The following NAV2 variants were observed in gnomAD, a reference collection of about 807,000 sequenced individuals.
NAV2 encodes helicase, APC down-regulated 1.
A neutral mutation model predicts 223.2 loss-of-function variants in NAV2; 54 were observed. The observed-to-expected ratio is 0.24, with a 90% CI of 0.19 to 0.30. The LOEUF (loss-of-function observed/expected upper bound fraction) is 0.30, where lower values mean the gene tolerates loss of function less well. Ranked by LOEUF, NAV2 falls within the 10% of genes least tolerant of loss-of-function variation. NAV2 has a pLI of 1.00. For synonymous variants in NAV2, 1,279 were observed against 1,239.3 expected (o/e 1.03, Z -0.67); for missense variants, 2,806 against 3,147.5 (o/e 0.89, Z 2.60).
intron 1 of NAV2, among the ~76,000 whole-genome samples, chr11:19,668,155 AT>A (rs2048470058): frequency 6.6e-6 from 1 of 152,218 alleles, no homozygotes. Flanking sequence ...AGGGAGGGAA[AT>A]GTTACAAAAG....
At chr11:19,709,673 A>G (rs569761199), upstream of NAV2, among the ~76,000 whole-genome samples, 1 of 152,156 alleles carries the variant, frequency 6.6e-6, no homozygotes, top group Admixed American at 6.5e-5. Context: ...CGTCTCTACT[A>G]AAAATACAAA....
intron 5 of NAV2, among the ~76,000 whole-genome samples, chr11:19,883,018 C>T (rs114179032): frequency 0.013 from 1,917 of 152,306 alleles, 36 homozygotes; most frequent in African/African-American, 0.043. Flanking sequence ...ATCAGTGGCT[C>T]GGTCTCCAAA....
At chr11:19,426,498 G>T (rs1254759936) in intron 1 of NAV2, among the ~76,000 whole-genome samples, 1 of 152,136 alleles carries the variant, frequency 6.6e-6, no homozygotes, top group Non-Finnish European at 1.5e-5. Context: ...AATTTACAAA[G>T]ATATTCCCTT....
At chr11:19,574,222 A>C (rs1220603081) in intron 1 of NAV2, among the ~76,000 whole-genome samples, 1 of 152,186 alleles carries the variant, frequency 6.6e-6, no homozygotes, top group Non-Finnish European at 1.5e-5. Flanking sequence ...CTTACCTCCC[A>C]AACTTGTTGG....
chr11:19,564,094 C>A (rs2045186129), intron 1 of NAV2, among the ~76,000 whole-genome samples: 1 of 152,096 alleles, frequency 6.6e-6, no homozygotes, highest in South Asian at 2.1e-4. Flanking sequence ...CCACCTGAAC[C>A]CCCGACCCCT....
intron 1 of NAV2, among the ~76,000 whole-genome samples, chr11:19,756,085 G>A (rs990769257): frequency 6.6e-6 from 1 of 152,124 alleles, no homozygotes; most frequent in African/African-American, 2.4e-5. Flanking sequence ...CTAGAGCTCA[G>A]AGCCTCAATC....
chr11:20,006,874 C>T (rs1591634105), intron 11 of NAV2, among the ~76,000 whole-genome samples: 1 of 152,052 alleles, frequency 6.6e-6, no homozygotes, highest in African/African-American at 2.4e-5. Context: ...AACAGAGGAC[C>T]AAGGTACAAA....
intron 1 of NAV2, among the ~76,000 whole-genome samples, chr11:19,465,257 C>T (rs1024729646): frequency 1.2e-4 from 18 of 152,134 alleles, no homozygotes; most frequent in South Asian, 6.2e-4. Context: ...GCTCCTGATC[C>T]GCCAAAGAAA....
intron 11 of NAV2, among the ~76,000 whole-genome samples, chr11:19,996,323 A>G (rs776821000): frequency 6.6e-6 from 1 of 152,198 alleles, no homozygotes; most frequent in Non-Finnish European, 1.5e-5. Flanking sequence ...CCTAGCACCA[A>G]CTGAGGTGCT....
At chr11:20,103,121 A>C in intron 32 of NAV2, 134 bp from the exon 33 acceptor site, 1 of 781,560 alleles carries the variant, frequency 1.3e-6, no homozygotes, top group South Asian at 2.0e-5. Context: ...GGCACCCAGA[A>C]TGTGTTTACA....
At chr11:19,555,927 G>T (rs2044872553) in intron 1 of NAV2, among the ~76,000 whole-genome samples, 1 of 147,828 alleles carries the variant, frequency 6.8e-6, no homozygotes, top group African/African-American at 2.5e-5. Context: ...CTTATCACCT[G>T]GCTGGACACC....
chr11:20,027,293 T>C, intron 11 of NAV2: 1 of 981,432 alleles, frequency 1.0e-6, no homozygotes, highest in Non-Finnish European at 1.2e-6. Context: ...AAGGATCTCG[T>C]TCCGCTCGGG....
chr11:19,536,907 A>G (rs1483766083), intron 1 of NAV2, among the ~76,000 whole-genome samples: 2 of 152,228 alleles, frequency 1.3e-5, no homozygotes, highest in Non-Finnish European at 2.9e-5. Context: ...GGGCACAAAC[A>G]TCTTTTCCAT....
chr11:19,762,936 C>T (rs1454611604), intron 1 of NAV2, among the ~76,000 whole-genome samples: 1 of 152,084 alleles, frequency 6.6e-6, no homozygotes, highest in East Asian at 1.9e-4. Context: ...TATTCCTTAA[C>T]ATCAATCTAC....
Position 20,105,740 on chromosome 11 carries a change from C to T in NAV2, c.6841+13C>T. The stretch of plus-strand genomic sequence containing the variant: ...GACGTCACCATCGGTGGGTGGGAGA[C>T]TGGGGTCAGGGGGGCGGGCTGGCAT... On this transcript the variant is annotated intron_variant, in intron 35 of 37. Coordinates refer to ENST00000349880, the MANE Select transcript of NAV2 (RefSeq NM_145117.5). 6.2e-7 allele frequency: 1 copy of T among 1,606,790 alleles called. No individual in the cohort carries two copies. The highest frequency in any genetic ancestry group is 8.5e-7 in the Non-Finnish European group (1 of 1,176,002).
At chr11:19,560,534 G>A (rs2045057717) in intron 1 of NAV2, among the ~76,000 whole-genome samples, 1 of 152,182 alleles carries the variant, frequency 6.6e-6, no homozygotes, top group African/African-American at 2.4e-5. Context: ...TAAAAGCCCT[G>A]ATGTGGAGTA....
chr11:19,676,111 A>G (rs2048704580), intron 1 of NAV2, among the ~76,000 whole-genome samples: 2 of 152,008 alleles, frequency 1.3e-5, no homozygotes, highest in Admixed American at 1.3e-4. Flanking sequence ...ATCAGTCTTC[A>G]TTCCTCAGCT....
At chr11:19,376,286 A>G (rs962109167) in intron 1 of NAV2, among the ~76,000 whole-genome samples, 7 of 152,090 alleles carry the variant, frequency 4.6e-5, no homozygotes, top group African/African-American at 1.7e-4. Context: ...CAAACAAACA[A>G]AAAAACAATT....
chr11:20,046,724 T>C (rs2057478475), intron 14 of NAV2, among the ~76,000 whole-genome samples: 2 of 152,196 alleles, frequency 1.3e-5, no homozygotes, highest in Middle Eastern at 3.2e-3. Flanking sequence ...GTGGAAGCTC[T>C]AGATATAAAC....
Sources: gnomAD v4.1 joint callset for allele counts (sites outside exome capture counted in the v4.1 genomes callset) on GRCh38, gnomAD v4.1.1 for gene constraint, MANE v1.5 for transcripts, NCBI Gene and HGNC (gene_info 2026-07-23, HGNC 2026-07-21) for gene names.